AASDHPPT: variants seen among roughly 807,000 people sequenced by gnomAD.
AASDHPPT encodes the protein L-aminoadipate-semialdehyde dehydrogenase-phosphopantetheinyl transferase.
A neutral mutation model predicts 36.4 loss-of-function variants in AASDHPPT; 23 were observed. That is an observed-to-expected ratio of 0.63 (90% CI 0.45 to 0.89). AASDHPPT has a LOEUF of 0.89. AASDHPPT is among the 40% of genes least tolerant of loss of function. The pLI, the probability that AASDHPPT is intolerant of heterozygous loss-of-function variation, is 0.00. For synonymous variants in AASDHPPT, 115 were observed against 128.0 expected (o/e 0.90, Z 0.68); for missense variants, 377 against 378.2 (o/e 1.00, Z 0.03).
intron 2 of AASDHPPT, among the ~76,000 whole-genome samples, chr11:106,086,742 A>C (rs943113823): frequency 3.9e-5 from 6 of 152,176 alleles, no homozygotes; most frequent in African/African-American, 1.4e-4. Context: ...TCTTGGGGCA[A>C]AATTCCTCTC....
At chr11:106,091,270 T>C in intron 3 of AASDHPPT, 46 bp from the exon 4 acceptor site, 1 of 1,539,960 alleles carries the variant, frequency 6.5e-7, no homozygotes, top group Non-Finnish European at 8.7e-7. Flanking sequence ...CTATGAAAAA[T>C]TTTTGTCCAC....
chr11:106,079,887 A>G (rs1326809123), intron 2 of AASDHPPT, among the ~76,000 whole-genome samples, 195 bp downstream of exon 2: 2 of 151,924 alleles, frequency 1.3e-5, no homozygotes, highest in Non-Finnish European at 2.9e-5. Context: ...TTACACATAA[A>G]TAATAGATTA....
At chr11:106,091,230 G>A in intron 3 of AASDHPPT, 86 bp from the exon 4 acceptor site, 1 of 1,219,156 alleles carries the variant, frequency 8.2e-7, no homozygotes, top group Non-Finnish European at 1.1e-6. Flanking sequence ...GTATAGCATT[G>A]AAACTCCCTA....
intron 2 of AASDHPPT, among the ~76,000 whole-genome samples, chr11:106,081,198 C>T (rs533068806): frequency 1.2e-4 from 19 of 152,266 alleles, no homozygotes; most frequent in South Asian, 8.3e-4. Flanking sequence ...TCTCTTCTCC[C>T]TTTTGCTTTT....
At chr11:106,083,401 G>A (rs1006269768) in intron 2 of AASDHPPT, among the ~76,000 whole-genome samples, 1 of 152,176 alleles carries the variant, frequency 6.6e-6, no homozygotes. Context: ...GCTCTCTACA[G>A]TATATGGCCT....
At chr11:106,086,170 C>T (rs1372133802) in intron 2 of AASDHPPT, 1 of 152,272 alleles carries the variant, frequency 6.6e-6, no homozygotes. Context: ...TGACCGAAAG[C>T]TCTTCTGTAA....
At chr11:106,090,760 A>G in intron 3 of AASDHPPT, 82 bp downstream of exon 3, 1 of 1,512,344 alleles carries the variant, frequency 6.6e-7, no homozygotes, top group Non-Finnish European at 8.8e-7. Context: ...TTGGTTACCC[A>G]GTAGTGTCCA....
In AASDHPPT at chr11:106,079,473, C is replaced by T. The variant is rs1195441746; in HGVS notation, c.190C>T (p.Arg64Cys). ...ARDAKAAMAG[R>C]LMIRKLVAEK... is the part of the protein sequence containing the mutation. Reference sequence around the variant, plus strand: ...TGTTTTATGTACTTAACAGGCTGGTCGTCTGATGATAAGGAAATTAGTTGC... The same window carrying T: ...TGTTTTATGTACTTAACAGGCTGGTTGTCTGATGATAAGGAAATTAGTTGC... Residue 64 changes from arginine (R) to cysteine (C), a missense_variant, in exon 2 of 6, where the codon CGT (arginine) becomes TGT (cysteine). Transcript: ENST00000278618. The T allele has an allele frequency of 1.5e-5, 24 of 1,604,726 alleles. No homozygotes were observed. The highest frequency in any genetic ancestry group is 2.0e-5 in the Non-Finnish European group (23 of 1,174,624).
chr11:106,090,738 A>C lies in AASDHPPT; in HGVS notation c.531+60A>C. 3 of 1,543,916 alleles carry C rather than the reference A, an allele frequency of 1.9e-6. No homozygotes were observed. The South Asian group carries it at 3.8e-5, about 20-fold the overall frequency. On this transcript the variant is annotated intron_variant, in intron 3 of 5. Transcript: ENST00000278618. ...ATAATGATTCCATTATCTTCACTTA[A>C]AATCAGAGTCCTTGGTTACCCAGTA...
chr11:106,098,522 TG>T lies in AASDHPPT; in HGVS notation c.*1616del, dbSNP rs891872342. On this transcript the variant is annotated 3_prime_UTR_variant, in exon 6 of 6. Transcript: ENST00000278618. ...GATTAGTAAAAGAAAAAAATTTGAA[TG>T]TTTTTTTTTTTTATTTTATTAAGCA... The T allele has an allele frequency of 5.2e-4, 77 of 149,140 alleles. No homozygotes were observed. Among genetic ancestry groups the T allele is most frequent in the Middle Eastern group, 7.2e-3 (2 of 278 alleles). The allele number at this position is 149,140 out of a possible 1,614,324, so 9.2% of individuals were successfully genotyped here.
chr11:106,090,471 G>C, intron 2 of AASDHPPT, 86 bp from the exon 3 acceptor site: 3 of 1,046,542 alleles, frequency 2.9e-6, no homozygotes, highest in Non-Finnish European at 4.0e-6. Flanking sequence ...TCTTTGGGGG[G>C]TGCTGTCTTG....
rs955641700 is a variant in AASDHPPT, at chr11:106,098,051, A to ATT, written c.*1145_*1146dup. 1 of 152,090 alleles carries ATT rather than the reference A, an allele frequency of 6.6e-6. No homozygotes were observed. Among genetic ancestry groups the ATT allele is most frequent in the African/African-American group, 2.4e-5 (1 of 41,432 alleles). 9.4% of individuals were successfully genotyped at this position (152,090 alleles called of 1,614,324 possible). A position where few individuals can be genotyped will look rare whatever the true frequency, so the allele number is the denominator to read the frequency against. On this transcript the variant is annotated 3_prime_UTR_variant, in exon 6 of 6. Transcript: ENST00000278618. ...GGTTTGACTGGTTCATAGGGCTTTA[A>ATT]TTATACAATTTACCCCTCTAATTAG... is the stretch of plus-strand genomic sequence containing the variant.
chr11:106,077,906 T>A lies in AASDHPPT; in HGVS notation c.183+13T>A. 6.2e-7 allele frequency: 1 copy of A among 1,611,254 alleles called. No homozygotes were observed. The highest frequency in any genetic ancestry group is 8.5e-7 in the Non-Finnish European group (1 of 1,178,106). Reference sequence around the variant, plus strand: ...TAAGGCAGCCATGGTACTACAGGTCTTTTTTGGTATTTAGAGCCTAGGAAG... The same window carrying A: ...TAAGGCAGCCATGGTACTACAGGTCATTTTTGGTATTTAGAGCCTAGGAAG... On this transcript the variant is annotated intron_variant, in intron 1 of 5. Transcript: ENST00000278618.
chr11:106,084,090 A>G (rs1293899027), intron 2 of AASDHPPT, among the ~76,000 whole-genome samples: 1 of 152,118 alleles, frequency 6.6e-6, no homozygotes, highest in Non-Finnish European at 1.5e-5. Context: ...TCAGTAAGCT[A>G]TTACCTTAAT....
chr11:106,079,100 C>T (rs1024442988), intron 1 of AASDHPPT, among the ~76,000 whole-genome samples: 4 of 152,126 alleles, frequency 2.6e-5, no homozygotes, highest in Non-Finnish European at 5.9e-5. Context: ...AAATACTTCC[C>T]AATACTTATA....
intron 4 of AASDHPPT, chr11:106,092,556 T>C (rs1421905605): frequency 6.6e-6 from 1 of 152,024 alleles, no homozygotes; most frequent in Admixed American, 6.6e-5. Context: ...TGAGATTACC[T>C]AAGGAACAGC....
rs58915339 is a variant in AASDHPPT at position 106,098,523 on chromosome 11, GTTTT to G, written c.*1625_*1628del. On this transcript the variant is annotated 3_prime_UTR_variant, in exon 6 of 6. Transcript: ENST00000278618. ...ATTAGTAAAAGAAAAAAATTTGAAT[GTTTT>G]TTTTTTTTATTTTATTAAGCATGCC... 1 of 145,982 alleles carries G rather than the reference GTTTT, an allele frequency of 6.9e-6. No individual in the cohort carries two copies. The highest frequency in any genetic ancestry group is 2.5e-5 in the African/African-American group (1 of 40,392). The allele number at this position is 145,982 out of a possible 1,614,324, so 9.0% of individuals were successfully genotyped here. A position where few individuals can be genotyped will look rare whatever the true frequency, so the allele number is the denominator to read the frequency against.
rs746432274 is a variant in AASDHPPT, at chr11:106,096,949, T to C, written c.*42T>C. ...AAAGGGAAATGAAAACTGTTTGTGA[T>C]CTTCCGTATTCACTGAAAAATAAAT... is the stretch of plus-strand genomic sequence containing the variant. On this transcript the variant is annotated 3_prime_UTR_variant, in exon 6 of 6. Transcript: ENST00000278618. 3 of 1,508,888 alleles carry C rather than the reference T, an allele frequency of 2.0e-6. No individual in the cohort carries two copies. The highest frequency in any genetic ancestry group is 2.7e-6 in the Non-Finnish European group (3 of 1,127,034). 93.5% of individuals were successfully genotyped at this position (1,508,888 alleles called of 1,614,324 possible). A position where few individuals can be genotyped will look rare whatever the true frequency, so the allele number is the denominator to read the frequency against.
intron 2 of AASDHPPT, among the ~76,000 whole-genome samples, chr11:106,088,696 G>T (rs1486820949): frequency 6.6e-6 from 1 of 151,948 alleles, no homozygotes; most frequent in Non-Finnish European, 1.5e-5. Flanking sequence ...TTTATTGAGG[G>T]GCTTCTATTA....
Sources: gnomAD v4.1 joint callset for allele counts (sites outside exome capture counted in the v4.1 genomes callset) on GRCh38, gnomAD v4.1.1 for gene constraint, MANE v1.5 for transcripts, NCBI Gene and HGNC (gene_info 2026-07-23, HGNC 2026-07-21) for gene names.